ADD2: variants seen among roughly 807,000 people sequenced by gnomAD.
ADD2 encodes adducin 2, also known as beta-adducin.
Under a neutral mutation model 83.0 loss-of-function variants are expected in ADD2, and 23 were observed. The observed-to-expected ratio is 0.28, with a 90% CI of 0.20 to 0.39. ADD2 has a LOEUF of 0.39. Among genes scored for constraint, ADD2 ranks in the 10% least tolerant of loss-of-function variants. ADD2 has a pLI of 1.00. For missense variants in ADD2, 758 were observed against 944.9 expected (o/e 0.80, Z 2.59); for synonymous variants, 375 against 375.4 (o/e 1.00, Z 0.01).
intron 2 of ADD2, among the ~76,000 whole-genome samples, chr2:70,709,787 G>A (rs950068967): frequency 3.3e-5 from 5 of 152,238 alleles, no homozygotes; most frequent in Admixed American, 3.3e-4. Context: ...AGAAACATCT[G>A]CAAAGAACAC....
intron 1 of ADD2, among the ~76,000 whole-genome samples, chr2:70,729,716 A>C (rs3771428): frequency 0.14 from 20,546 of 152,160 alleles, 1,567 homozygotes; most frequent in Middle Eastern, 0.26. Context: ...TCTAAGGAAA[A>C]ACCACAGTTG....
chr2:70,674,605 C>T, intron 14 of ADD2, 73 bp downstream of exon 14: 1 of 1,488,018 alleles, frequency 6.7e-7, no homozygotes, highest in Non-Finnish European at 9.1e-7. Context: ...GGAAGGTCCT[C>T]TCTTGGTAGT....
At chr2:70,715,495 C>A (rs1401147269) in intron 1 of ADD2, among the ~76,000 whole-genome samples, 1 of 152,120 alleles carries the variant, frequency 6.6e-6, no homozygotes, top group Non-Finnish European at 1.5e-5. Context: ...ATGCCTGACA[C>A]CCCCTGGGTG....
At chr2:70,704,263 T>TA in intron 4 of ADD2, 58 bp downstream of exon 4, 6 of 913,232 alleles carry the variant, frequency 6.6e-6, no homozygotes, top group Non-Finnish European at 8.4e-6. Context: ...CTCCCTCTCT[T>TA]CCCCACCCCA....
intron 15 of ADD2, among the ~76,000 whole-genome samples, chr2:70,664,742 T>C (rs1675692609): frequency 8.3e-6 from 1 of 120,022 alleles, no homozygotes; most frequent in East Asian, 1.9e-4. Flanking sequence ...TGTGCAAGTG[T>C]GTGTGTGGGT....
chr2:70,674,570 A>C, intron 14 of ADD2, 108 bp downstream of exon 14: 6 of 1,224,524 alleles, frequency 4.9e-6, no homozygotes, highest in Non-Finnish European at 6.9e-6. Flanking sequence ...GAACTACAGT[A>C]GAAATATTCT....
intron 15 of ADD2, among the ~76,000 whole-genome samples, chr2:70,669,295 T>C (rs1253575083): frequency 6.6e-6 from 1 of 151,854 alleles, no homozygotes; most frequent in Non-Finnish European, 1.5e-5. Flanking sequence ...GCATCTTCTT[T>C]AGTGTTGTCC....
intron 15 of ADD2, 29 bp from the exon 16 acceptor site, chr2:70,663,764 T>TAA (rs1553365584): frequency 6.3e-7 from 1 of 1,589,430 alleles, no homozygotes; most frequent in Non-Finnish European, 8.6e-7. Context: ...ATATGACCTG[T>TAA]AAGATTTCAT....
chr2:70,719,728 C>G (rs1173781545), intron 1 of ADD2, among the ~76,000 whole-genome samples: 3 of 152,174 alleles, frequency 2.0e-5, no homozygotes, highest in African/African-American at 7.2e-5. Context: ...TCAGGCTGTC[C>G]TGGAATCCAG....
At chr2:70,749,547 T>TA (rs150290563) in intron 1 of ADD2, among the ~76,000 whole-genome samples, 12,746 of 148,416 alleles carry the variant, frequency 0.086, 823 homozygotes, top group African/African-American at 0.19. Flanking sequence ...TATGGCCAGC[T>TA]AAAAAAAAAA....
chr2:70,705,316 GGCCTGA>G (rs782709322), intron 3 of ADD2, among the ~76,000 whole-genome samples: 7 of 152,180 alleles, frequency 4.6e-5, no homozygotes, highest in Non-Finnish European at 1.0e-4. Flanking sequence ...TGCTCTGTGT[GGCCTGA>G]GTATGCACCA....
rs1553368992 is a variant in ADD2, at chr2:70,678,894, A to G, written c.1193T>C (p.Val398Ala). Residue 398 changes from valine (V) to alanine (A), a missense_variant, in exon 11 of 16, where the codon GTG becomes GCG. Physicochemically the swap from Val to Ala is moderately conservative, Grantham distance 64 (BLOSUM62 0). This residue lies in a region of ADD2 where 394 missense variants were observed against 509.3 expected (regional missense o/e 0.77). Coordinates refer to ENST00000264436, the MANE Select transcript of ADD2 (RefSeq NM_001617.4). The part of the protein sequence containing the change: ...VQEKTKHKSE[V>A]EIPATVTAFV... ...GGCTGTGACCGTGGCTGGAATCTCC[A>G]CCTCACTTTTGTGTTTGGTTTTCTC... 1.2e-6 allele frequency: 2 copies of G among 1,613,954 alleles called. No homozygotes were observed. The highest frequency in any genetic ancestry group is 1.1e-5 in the South Asian group (1 of 91,070).
intron 1 of ADD2, 87 bp downstream of exon 1, chr2:70,767,799 C>T: frequency 1.3e-6 from 2 of 1,514,064 alleles, no homozygotes; most frequent in African/African-American, 1.4e-5. Flanking sequence ...CCAAGCGGCT[C>T]CCGCCCGGCC....
chr2:70,674,611 G>T, intron 14 of ADD2, 67 bp downstream of exon 14: 1 of 1,506,664 alleles, frequency 6.6e-7, no homozygotes, highest in Non-Finnish European at 9.0e-7. Context: ...TCCTCTCTTG[G>T]TAGTCCTGAG....
chr2:70,692,302 C>T (rs1397308074), intron 7 of ADD2, 101 bp downstream of exon 7: 4 of 1,334,158 alleles, frequency 3.0e-6, no homozygotes, highest in Non-Finnish European at 3.9e-6. Flanking sequence ...TTCACCTTGG[C>T]CTGAGTTCTA....
chr2:70,748,852 C>T (rs1674368232), intron 1 of ADD2, among the ~76,000 whole-genome samples: 1 of 152,098 alleles, frequency 6.6e-6, no homozygotes, highest in African/African-American at 2.4e-5. Flanking sequence ...CTTAGGAGTG[C>T]AACACAGTTC....
At chr2:70,754,090 G>A (rs1356449738) in intron 1 of ADD2, among the ~76,000 whole-genome samples, 1 of 152,118 alleles carries the variant, frequency 6.6e-6, no homozygotes, top group Non-Finnish European at 1.5e-5. Flanking sequence ...GAAAACACAA[G>A]ATGCCTCAAG....
chr2:70,718,389 C>T (rs55858323), intron 1 of ADD2, among the ~76,000 whole-genome samples: 7 of 152,096 alleles, frequency 4.6e-5, no homozygotes, highest in Non-Finnish European at 7.3e-5. Flanking sequence ...CAGTCATGTT[C>T]GTATTCCTGA....
intron 1 of ADD2, among the ~76,000 whole-genome samples, chr2:70,754,779 C>A (rs1169288238): frequency 6.6e-6 from 1 of 152,204 alleles, no homozygotes; most frequent in Non-Finnish European, 1.5e-5. Flanking sequence ...AAGATCACCA[C>A]TTTCAATGTG....
Sources: allele counts gnomAD v4.1 joint callset (sites outside exome capture counted in the v4.1 genomes callset), GRCh38; gene constraint gnomAD v4.1.1; regional missense constraint gnomAD v4.1.1; transcripts MANE v1.5; gene names NCBI Gene and HGNC (gene_info 2026-07-23, HGNC 2026-07-21).